Variants in ZNF407 observed in about 807,000 individuals in gnomAD.
ZNF407 encodes the protein zinc finger protein 407.
ZNF407 carries 17 observed loss-of-function variants against 131.2 expected under a neutral mutation model. The ratio of observed to expected loss-of-function variants is 0.13; its 90% CI spans 0.09 to 0.19. ZNF407 has a LOEUF of 0.19. Among genes scored for constraint, ZNF407 ranks in the 10% least tolerant of loss-of-function variants. ZNF407 has a pLI of 1.00. For synonymous variants in ZNF407, 1,156 were observed against 1,062.0 expected (o/e 1.09, Z -1.72); for missense variants, 2,681 against 2,830.6 (o/e 0.95, Z 1.20).
At chr18:74,761,514 T>C (rs1451515863) in intron 3 of ZNF407, among the ~76,000 whole-genome samples, 1 of 152,160 alleles carries the variant, frequency 6.6e-6, no homozygotes, top group Admixed American at 6.5e-5. Flanking sequence ...TTTAGAGATA[T>C]CTAAATAGTT....
At chr18:74,660,272 T>C (rs148599212) in intron 3 of ZNF407, among the ~76,000 whole-genome samples, 11 of 152,090 alleles carry the variant, frequency 7.2e-5, no homozygotes, top group African/African-American at 2.4e-4. Flanking sequence ...TTGGTCAAGT[T>C]GCAAGATTTG....
intron 1 of ZNF407, among the ~76,000 whole-genome samples, chr18:74,604,578 A>G (rs539544712): frequency 5.3e-5 from 8 of 152,366 alleles, no homozygotes; most frequent in South Asian, 4.1e-4. Flanking sequence ...GAGCCACATC[A>G]TGGATGTAGA....
intron 8 of ZNF407, among the ~76,000 whole-genome samples, chr18:74,983,315 A>G (rs1347692206): frequency 6.6e-6 from 1 of 152,156 alleles, no homozygotes; most frequent in Non-Finnish European, 1.5e-5. Flanking sequence ...CCATTAAGGT[A>G]GGCACAGTCA....
chr18:74,681,095 A>C (rs971014897), intron 3 of ZNF407, among the ~76,000 whole-genome samples: 2 of 152,194 alleles, frequency 1.3e-5, no homozygotes, highest in African/African-American at 4.8e-5. Context: ...AAATGTACAT[A>C]AAGGTTCTGA....
In ZNF407 at chr18:75,057,919, C is replaced by T. The variant is rs554849521; in HGVS notation, c.5429-5231C>T. On this transcript the variant is annotated intron_variant, in intron 8 of 8. Coordinates refer to ENST00000299687, the MANE Select transcript of ZNF407 (RefSeq NM_017757.3). ...GGGCCCTTGTTTTATTTTTTTCATT[C>T]GGGTTTACTGCACAAATTCTGTACA... Among the ~76,000 whole-genome samples, 4 of 152,080 alleles carry T rather than the reference C, an allele frequency of 2.6e-5. No individual in the cohort carries two copies. In the East Asian group the frequency reaches 5.8e-4, roughly 22 times the overall value.
At chr18:74,779,461 A>G (rs990767110) in intron 3 of ZNF407, among the ~76,000 whole-genome samples, 14 of 151,934 alleles carry the variant, frequency 9.2e-5, no homozygotes, top group Non-Finnish European at 1.9e-4. Flanking sequence ...CTTTTACCTT[A>G]TTTGTACTTT....
intron 4 of ZNF407, among the ~76,000 whole-genome samples, chr18:74,793,757 G>A (rs146180662): frequency 0.011 from 1,617 of 152,290 alleles, 29 homozygotes; most frequent in African/African-American, 0.036. Flanking sequence ...ATAACTTGCA[G>A]TTGGCAGAAG....
intron 8 of ZNF407, among the ~76,000 whole-genome samples, chr18:75,024,279 T>A (rs942751917): frequency 6.6e-6 from 1 of 152,228 alleles, no homozygotes; most frequent in Non-Finnish European, 1.5e-5. Flanking sequence ...CTGTTAGGAC[T>A]GATTAACTTA....
chr18:74,720,074 A>T (rs1403479842), intron 3 of ZNF407, among the ~76,000 whole-genome samples: 1 of 151,978 alleles, frequency 6.6e-6, no homozygotes. Flanking sequence ...GAAGAAGAAG[A>T]AGTTCCTTAT....
intron 4 of ZNF407, chr18:74,804,350 G>A: frequency 9.5e-7 from 1 of 1,055,956 alleles, no homozygotes; most frequent in Non-Finnish European, 1.1e-6. Flanking sequence ...AAAGCTGACT[G>A]TCCAATCAAA....
chr18:74,976,704 G>A (rs1456462578), intron 8 of ZNF407, among the ~76,000 whole-genome samples: 5 of 152,196 alleles, frequency 3.3e-5, no homozygotes, highest in Admixed American at 2.6e-4. Flanking sequence ...AGCTTTCAGC[G>A]TAATCTCTCA....
At chr18:74,727,473 A>C (rs1432341597) in intron 3 of ZNF407, among the ~76,000 whole-genome samples, 1 of 152,114 alleles carries the variant, frequency 6.6e-6, no homozygotes, top group Non-Finnish European at 1.5e-5. Context: ...AGATAACAGT[A>C]GGTGGTCTCC....
At chr18:75,062,088 A>G (rs1042765982) in intron 8 of ZNF407, 1 of 152,172 alleles carries the variant, frequency 6.6e-6, no homozygotes, top group Non-Finnish European at 1.5e-5. Context: ...TAACAGCCCG[A>G]GCCTTCCACC....
intron 8 of ZNF407, among the ~76,000 whole-genome samples, chr18:75,057,674 T>C (rs546519479): frequency 1.1e-4 from 17 of 152,200 alleles, no homozygotes; most frequent in Non-Finnish European, 1.8e-4. Context: ...GAACATTGAT[T>C]GTTCTATAAA....
chr18:74,788,993 A>G (rs1969774568), intron 4 of ZNF407, among the ~76,000 whole-genome samples: 1 of 152,028 alleles, frequency 6.6e-6, no homozygotes, highest in Non-Finnish European at 1.5e-5. Flanking sequence ...TCACCTATTT[A>G]TTCTCTCAAT....
At chr18:74,979,015 C>A (rs1406090961) in intron 8 of ZNF407, among the ~76,000 whole-genome samples, 6 of 152,088 alleles carry the variant, frequency 3.9e-5, no homozygotes, top group African/African-American at 1.4e-4. Flanking sequence ...GGGAAAGGCT[C>A]ATCAAATGCT....
chr18:74,941,708 A>G (rs890538690), intron 8 of ZNF407, among the ~76,000 whole-genome samples: 3 of 152,192 alleles, frequency 2.0e-5, no homozygotes, highest in Non-Finnish European at 4.4e-5. Context: ...TCCTGTGCCT[A>G]TTGGTGCCAA....
chr18:74,945,269 T>C (rs1972142278), intron 8 of ZNF407, among the ~76,000 whole-genome samples: 1 of 152,170 alleles, frequency 6.6e-6, no homozygotes, highest in Non-Finnish European at 1.5e-5. Flanking sequence ...ATGAAAAGTC[T>C]TATGCTAAAA....
At position 74,804,026 on chromosome 18, in the gene ZNF407, C is replaced by G. The variant is rs373502908; in HGVS notation, c.4877+22524C>G. On this transcript the variant is annotated intron_variant, in intron 4 of 8. Coordinates refer to ENST00000299687, the MANE Select transcript of ZNF407 (RefSeq NM_017757.3). The stretch of plus-strand genomic sequence containing the variant: ...GGAATACAGAACAACAGGAACGCGT[C>G]GAGTGCCTCTGAAGCCCAAAGTCTT... 145 of 1,551,574 alleles carry G rather than the reference C, an allele frequency of 9.3e-5. No individual in the cohort carries two copies. The Middle Eastern group carries it at 1.2e-3, about 12-fold the overall frequency.
Sources: gnomAD v4.1 joint callset for allele counts (sites outside exome capture counted in the v4.1 genomes callset) on GRCh38, gnomAD v4.1.1 for gene constraint, MANE v1.5 for transcripts, NCBI Gene and HGNC (gene_info 2026-07-23, HGNC 2026-07-21) for gene names.